CSMD3: variants seen among roughly 807,000 people sequenced by gnomAD.
CSMD3 encodes the protein CUB and Sushi multiple domains 3.
Under a neutral mutation model 435.2 loss-of-function variants are expected in CSMD3, and 177 were observed. That is an observed-to-expected ratio of 0.41 (90% CI 0.36 to 0.46). CSMD3 has a LOEUF of 0.46. Ranked by LOEUF, CSMD3 falls within the 20% of genes least tolerant of loss-of-function variation. The probability of loss-of-function intolerance (pLI) is 0.34; values close to 1 mark genes in which losing one functional copy is unlikely to be tolerated. For missense variants in CSMD3, 4,265 were observed against 4,504.6 expected (o/e 0.95, Z 1.52); for synonymous variants, 1,656 against 1,520.5 (o/e 1.09, Z -2.07).
chr8:113,019,057 A>C lies in CSMD3; in HGVS notation c.1030+10T>G. On this transcript the variant is annotated intron_variant, in intron 6 of 70. Transcript: ENST00000297405. ...ATATCAAAAGAGGCAAAGGTATTCC[A>C]TAAGTATACCTTGATAGGGAGCACT... 6.6e-7 allele frequency: 1 copy of C among 1,505,796 alleles called. No individual in the cohort carries two copies. Among genetic ancestry groups the C allele is most frequent in the Non-Finnish European group, 9.3e-7 (1 of 1,081,078 alleles). 93.3% of individuals were successfully genotyped at this position (1,505,796 alleles called of 1,614,324 possible).
intron 4 of CSMD3, among the ~76,000 whole-genome samples, chr8:113,122,332 G>C (rs1008912523): frequency 6.6e-6 from 1 of 152,092 alleles, no homozygotes; most frequent in African/African-American, 2.4e-5. Flanking sequence ...AAGCATCCAT[G>C]TTTAGATAAA....
chr8:112,666,410 A>C lies in CSMD3; in HGVS notation c.2683T>G (p.Cys895Gly). 6.2e-7 allele frequency: 1 copy of C among 1,612,050 alleles called. No homozygotes were observed. The highest frequency in any genetic ancestry group is 8.5e-7 in the Non-Finnish European group (1 of 1,178,866). ...SGLIPKCGAP[C>G]GGHFSAPSGV... ...CTGGGAGCTGAAAAATGGCCACCAC[A>C]TGGGGCTGAAAAATTAAATCAGACA... Residue 895 changes from cysteine (C) to glycine (G), a missense_variant, in exon 17 of 71, where the codon TGT (cysteine) becomes GGT (glycine). By Grantham distance (159) the Cys-to-Gly change is radical. Around this residue, in one of 3 missense-constraint regions of CSMD3, gnomAD observed 279 missense variants for 369.0 expected, o/e 0.76. Coordinates refer to ENST00000297405, the MANE Select transcript of CSMD3 (RefSeq NM_198123.2).
chr8:112,529,369 G>A (rs1004603276), intron 27 of CSMD3, among the ~76,000 whole-genome samples: 1 of 152,028 alleles, frequency 6.6e-6, no homozygotes, highest in African/African-American at 2.4e-5. Flanking sequence ...TATTTGAAAG[G>A]CCGAGTTCAG....
At chr8:112,519,263 G>C (rs1824030270) in intron 27 of CSMD3, among the ~76,000 whole-genome samples, 1 of 152,122 alleles carries the variant, frequency 6.6e-6, no homozygotes, top group Non-Finnish European at 1.5e-5. Flanking sequence ...AATATGCAAA[G>C]TAAGCAGAAA....
chr8:112,581,928 G>T (rs762268912), intron 23 of CSMD3, among the ~76,000 whole-genome samples: 3 of 152,062 alleles, frequency 2.0e-5, no homozygotes, highest in Non-Finnish European at 4.4e-5. Flanking sequence ...GAGGGACACA[G>T]CCATGTGGTT....
At chr8:112,387,506 A>G (rs1368157477) in intron 36 of CSMD3, among the ~76,000 whole-genome samples, 1 of 106,352 alleles carries the variant, frequency 9.4e-6, no homozygotes, top group Non-Finnish European at 2.2e-5. Flanking sequence ...TGTGTGTGTT[A>G]CAAGTTTCTA....
At chr8:112,383,106 A>C (rs1829624620) in intron 37 of CSMD3, among the ~76,000 whole-genome samples, 1 of 152,162 alleles carries the variant, frequency 6.6e-6, no homozygotes, top group South Asian at 2.1e-4. Context: ...GTATACACTA[A>C]TTTTATATAA....
intron 2 of CSMD3, among the ~76,000 whole-genome samples, chr8:113,301,670 A>G (rs1264124543): frequency 6.6e-6 from 1 of 152,002 alleles, no homozygotes; most frequent in Non-Finnish European, 1.5e-5. Flanking sequence ...TAAAAATACA[A>G]CTGAAAAGCC....
chr8:112,965,873 A>G (rs900953829), intron 7 of CSMD3, among the ~76,000 whole-genome samples: 10 of 151,934 alleles, frequency 6.6e-5, no homozygotes, highest in African/African-American at 1.2e-4. Flanking sequence ...CAAAAATGTG[A>G]TGAAATAAGG....
chr8:112,879,274 G>C (rs749058579), intron 10 of CSMD3, among the ~76,000 whole-genome samples: 4 of 152,130 alleles, frequency 2.6e-5, no homozygotes, highest in African/African-American at 7.2e-5. Context: ...TGCAGTTGCA[G>C]ATAAGAGATG....
chr8:112,688,538 T>A (rs943221960), intron 14 of CSMD3, among the ~76,000 whole-genome samples: 2 of 152,128 alleles, frequency 1.3e-5, no homozygotes, highest in Admixed American at 1.3e-4. Context: ...GTATTTGAAA[T>A]AGTGATTTAT....
intron 33 of CSMD3, 125 bp downstream of exon 33, chr8:112,408,794 G>T (rs903126664): frequency 2.0e-6 from 3 of 1,469,350 alleles, no homozygotes; most frequent in Non-Finnish European, 2.8e-6. Context: ...AAAAAAAAAG[G>T]TGACACTATT....
intron 10 of CSMD3, among the ~76,000 whole-genome samples, chr8:112,872,589 T>C (rs1234924346): frequency 6.6e-6 from 1 of 152,002 alleles, no homozygotes; most frequent in African/African-American, 2.4e-5. Flanking sequence ...CTTTGTTGTT[T>C]AAAATTTATC....
chr8:113,046,293 C>T (rs1446940723), intron 5 of CSMD3, among the ~76,000 whole-genome samples: 1 of 149,322 alleles, frequency 6.7e-6, no homozygotes, highest in Non-Finnish European at 1.5e-5. Flanking sequence ...CCCTAAAACC[C>T]TCTTGCGGAG....
intron 13 of CSMD3, among the ~76,000 whole-genome samples, chr8:112,711,334 C>T (rs952584274): frequency 6.6e-6 from 1 of 151,680 alleles, no homozygotes; most frequent in Non-Finnish European, 1.5e-5. Context: ...CACCATTAAA[C>T]AAGCGCATTG....
chr8:112,409,957 CA>C (rs1022035070), intron 32 of CSMD3, among the ~76,000 whole-genome samples: 1 of 151,774 alleles, frequency 6.6e-6, no homozygotes, highest in Non-Finnish European at 1.5e-5. Context: ...AATGCCAAAG[CA>C]AGGTCACTTT....
intron 32 of CSMD3, among the ~76,000 whole-genome samples, chr8:112,439,390 T>C (rs549392797): frequency 1.3e-5 from 2 of 152,206 alleles, no homozygotes; most frequent in Non-Finnish European, 2.9e-5. Flanking sequence ...CTGCCTGCCT[T>C]GGCCTCCCAA....
intron 38 of CSMD3, among the ~76,000 whole-genome samples, chr8:112,363,934 C>A (rs1394073247): frequency 1.3e-5 from 2 of 151,904 alleles, no homozygotes; most frequent in African/African-American, 2.4e-5. Context: ...TGTTGATGTG[C>A]ATAAACTAGT....
At chr8:113,027,591 A>T (rs934857865) in intron 5 of CSMD3, among the ~76,000 whole-genome samples, 2 of 152,130 alleles carry the variant, frequency 1.3e-5, no homozygotes, top group Non-Finnish European at 2.9e-5. Flanking sequence ...TGCATGGTTT[A>T]AAAAATAGCA....
Sources: allele counts gnomAD v4.1 joint callset (sites outside exome capture counted in the v4.1 genomes callset), GRCh38; gene constraint gnomAD v4.1.1; regional missense constraint gnomAD v4.1.1; transcripts MANE v1.5; gene names NCBI Gene and HGNC (gene_info 2026-07-23, HGNC 2026-07-21).